The following PRKDC variants were observed in gnomAD, a reference collection of about 807,000 sequenced individuals.
PRKDC encodes protein kinase, DNA-activated, catalytic subunit.
Under a neutral mutation model 486.9 loss-of-function variants are expected in PRKDC, and 82 were observed. The ratio of observed to expected loss-of-function variants is 0.17; its 90% CI spans 0.14 to 0.20. The LOEUF (loss-of-function observed/expected upper bound fraction) is 0.20. Among genes scored for constraint, PRKDC ranks in the 10% least tolerant of loss-of-function variants. PRKDC has a pLI of 1.00. For missense variants in PRKDC, 4,504 were observed against 5,038.2 expected (o/e 0.89, Z 3.21); for synonymous variants, 1,895 against 1,837.0 (o/e 1.03, Z -0.81).
At chr8:47,824,328 G>A (rs944089977) in intron 63 of PRKDC, among the ~76,000 whole-genome samples, 5 of 151,934 alleles carry the variant, frequency 3.3e-5, no homozygotes, top group Non-Finnish European at 7.4e-5. Flanking sequence ...CAAAAAATTA[G>A]CTGGGCATGG....
rs5891257 is a variant in PRKDC at position 47,786,723 on chromosome 8, CTTTTTTTT to C, written c.10903-1414_10903-1407del. On this transcript the variant is annotated intron_variant, in intron 76 of 85. Transcript: ENST00000314191. ...TAAACCAGAAAAAATATTATTTAAT[CTTTTTTTT>C]TTTTTTTTTTTTTTTTGAGACAGAG... Among the ~76,000 whole-genome samples the C allele has an allele frequency of 9.1e-5, 8 of 88,252 alleles. No individual in the cohort carries two copies. In the East Asian group the frequency reaches 2.6e-3, roughly 29 times the overall value. The allele number at this position is 88,252 out of a possible 152,430, so 57.9% of individuals were successfully genotyped here.
rs375807431 is a variant in PRKDC at position 47,869,689 on chromosome 8, G to A, written c.5364-4926C>T. 1.8e-4 allele frequency among the ~76,000 whole-genome samples: 28 copies of A among 152,088 alleles called. 1 individual carries two copies. Among genetic ancestry groups the A allele is most frequent in the African/African-American group, 6.5e-4 (27 of 41,494 alleles). On this transcript the variant is annotated intron_variant, in intron 40 of 85. Coordinates refer to ENST00000314191, the MANE Select transcript of PRKDC (RefSeq NM_006904.7). The stretch of plus-strand genomic sequence containing the variant: ...CATAATGTTTCATGCCTTGCAACAT[G>A]GGCACCAGCTTGGCCACAGAGGGGC...
chr8:47,939,723 T>C (rs2090411086), intron 10 of PRKDC, 26 bp from the exon 11 acceptor site: 1 of 1,513,166 alleles, frequency 6.6e-7, no homozygotes, highest in Non-Finnish European at 8.9e-7. Context: ...ATTTATTTTT[T>C]TGGAAATATT....
intron 25 of PRKDC, among the ~76,000 whole-genome samples, chr8:47,906,622 C>CAA (rs35230621): frequency 3.6e-5 from 5 of 138,152 alleles, no homozygotes; most frequent in African/African-American, 1.3e-4. Context: ...GAGATTCCGT[C>CAA]AAAAAAAAAA....
chr8:47,958,951 G>A (rs1416272179), intron 1 of PRKDC, among the ~76,000 whole-genome samples: 1 of 152,062 alleles, frequency 6.6e-6, no homozygotes, highest in Non-Finnish European at 1.5e-5. Flanking sequence ...GGTCAGGTTG[G>A]TCTCCATCTC....
chr8:47,888,035 G>T (rs189249489), intron 34 of PRKDC, among the ~76,000 whole-genome samples: 1,947 of 151,776 alleles, frequency 0.013, 19 homozygotes, highest in South Asian at 0.065. Context: ...GTTTTTTTTT[G>T]TTGTTGTTGT....
chr8:47,794,448 G>A lies in PRKDC; in HGVS notation c.10512C>T (p.Ala3504=). 1 of 1,613,808 alleles carries A rather than the reference G, an allele frequency of 6.2e-7. No homozygotes were observed. Among genetic ancestry groups the A allele is most frequent in the Non-Finnish European group, 8.5e-7 (1 of 1,179,714 alleles). ...QFISWISHMV[A]LLDKDQAVAV... is the part of the protein sequence containing the mutation. ...CAACGGCTTGGTCTTTGTCCAGTAAGGCCACCATGTGGCTGATCCAGCTGA... is the reference window on the plus strand; with the variant it reads ...CAACGGCTTGGTCTTTGTCCAGTAAAGCCACCATGTGGCTGATCCAGCTGA... Residue 3504 remains alanine, a synonymous_variant, in exon 74 of 86, where the codon GCC becomes GCT. Coordinates refer to ENST00000314191, the MANE Select transcript of PRKDC (RefSeq NM_006904.7).
intron 21 of PRKDC, 133 bp from the exon 22 acceptor site, chr8:47,918,516 T>C: frequency 1.8e-6 from 1 of 570,568 alleles, no homozygotes; most frequent in Non-Finnish European, 2.8e-6. Context: ...ATTAAGTTTC[T>C]AAAACAAAAA....
chr8:47,800,036 A>G lies in PRKDC; in HGVS notation c.10117-646T>C, dbSNP rs117058897. On this transcript the variant is annotated intron_variant, in intron 71 of 85. Coordinates refer to ENST00000314191, the MANE Select transcript of PRKDC (RefSeq NM_006904.7). ...ATATTAAAAAATTTGTGTCATTCAA[A>G]TAAATAGGAAGCACGGAGTATGTCA... Among the ~76,000 whole-genome samples the G allele has an allele frequency of 6.4e-3, 979 of 152,360 alleles. 3 individuals carry two copies. Among genetic ancestry groups the G allele is most frequent in the Non-Finnish European group, 9.5e-3 (649 of 68,036 alleles).
intron 68 of PRKDC, among the ~76,000 whole-genome samples, chr8:47,807,900 G>A (rs562255450): frequency 3.9e-5 from 6 of 152,198 alleles, no homozygotes; most frequent in African/African-American, 1.4e-4. Flanking sequence ...ATTTTTAGTA[G>A]AGACGGGGTT....
At chr8:47,817,915 T>G (rs2087485397) in intron 67 of PRKDC, among the ~76,000 whole-genome samples, 1 of 152,224 alleles carries the variant, frequency 6.6e-6, no homozygotes, top group African/African-American at 2.4e-5. Flanking sequence ...CTGATCTTCA[T>G]TGGTATAGGG....
chr8:47,880,704 T>C (rs2089195035), intron 38 of PRKDC, among the ~76,000 whole-genome samples: 1 of 152,168 alleles, frequency 6.6e-6, no homozygotes. Flanking sequence ...ATTTAAATAA[T>C]ATGTATGCAA....
At chr8:47,888,820 A>G (rs1420114051) in intron 33 of PRKDC, among the ~76,000 whole-genome samples, 170 bp from the exon 34 acceptor site, 1 of 152,222 alleles carries the variant, frequency 6.6e-6, no homozygotes, top group Non-Finnish European at 1.5e-5. Flanking sequence ...CCATGTCTGA[A>G]GTTTGCTTAA....
chr8:47,935,838 T>C lies in PRKDC; in HGVS notation c.1341A>G (p.Pro447=), dbSNP rs761950401. The C allele has an allele frequency of 3.7e-6, 6 of 1,613,976 alleles. No individual in the cohort carries two copies. The East Asian group carries it at 1.3e-4, about 36-fold the overall frequency. Residue 447 remains proline (P), a synonymous_variant, in exon 13 of 86, where the codon CCA becomes CCG. Transcript: ENST00000314191. The stretch of plus-strand genomic sequence containing the variant: ...CCAGCTGCATTTTTGGACTGTACTG[T>C]GGGAAACTGTCTATCTGCATCACCA... ...HLVVMQIDSF[P]QYSPKMQLVC...
At chr8:47,876,290 T>C (rs1027857518) in intron 40 of PRKDC, among the ~76,000 whole-genome samples, 3 of 152,326 alleles carry the variant, frequency 2.0e-5, no homozygotes, top group South Asian at 2.1e-4. Flanking sequence ...AAATTCAATA[T>C]AGATAAATGC....
In PRKDC at chr8:47,881,444, G is replaced by A. The variant is rs55735910; in HGVS notation, c.5039C>T (p.Ala1680Val). 1.9e-6 allele frequency: 3 copies of A among 1,566,042 alleles called. No homozygotes were observed. The highest frequency in any genetic ancestry group is 2.7e-5 in the African/African-American group (2 of 73,816). ...TAAATGTAGATCCAGCTTTGTGTCA[G>A]CAAGTAGACTAATATATGTTGTAAA... ...EVFTTYISLL[A>V]DTKLDLHLKG... The change falls in exon 38 of 86, where the codon GCT (alanine) becomes GTT (valine). Residue 1680 changes from alanine to valine, a missense_variant. This residue lies in a region of PRKDC where 1,969 missense variants were observed against 2,068.9 expected (regional missense o/e 0.95). Coordinates refer to ENST00000314191, the MANE Select transcript of PRKDC (RefSeq NM_006904.7).
intron 21 of PRKDC, among the ~76,000 whole-genome samples, chr8:47,920,727 C>T (rs982238590): frequency 5.9e-5 from 9 of 152,118 alleles, no homozygotes; most frequent in Non-Finnish European, 1.3e-4. Context: ...GCACTTTATT[C>T]TACTTGTGTT....
rs1324070927 is a variant in PRKDC, at chr8:47,876,175, G to C, written c.5363+1549C>G. On this transcript the variant is annotated intron_variant, in intron 40 of 85. Coordinates refer to ENST00000314191, the MANE Select transcript of PRKDC (RefSeq NM_006904.7). ...ATAAAAATGTTATATGGTGCTGGTT[G>C]CATACTCAATAAACTACCTAAAAAT... 3.9e-5 allele frequency among the ~76,000 whole-genome samples: 6 copies of C among 152,280 alleles called. No homozygotes were observed. The East Asian group carries it at 1.2e-3, about 29-fold the overall frequency.
chr8:47,939,238 G>C (rs1029346214), intron 11 of PRKDC, among the ~76,000 whole-genome samples: 1 of 152,176 alleles, frequency 6.6e-6, no homozygotes, highest in Admixed American at 6.5e-5. Flanking sequence ...GTACATGCGG[G>C]AGGGATTGGT....
Sources: allele counts gnomAD v4.1 joint callset (sites outside exome capture counted in the v4.1 genomes callset), GRCh38; gene constraint gnomAD v4.1.1; regional missense constraint gnomAD v4.1.1; transcripts MANE v1.5; gene names NCBI Gene and HGNC (gene_info 2026-07-23, HGNC 2026-07-21).